MTMR12: variants seen among roughly 807,000 people sequenced by gnomAD.
The protein encoded by MTMR12 is myotubularin-related protein 12.
In MTMR12, 33 loss-of-function variants were observed where a neutral mutation model predicts 96.7. The ratio of observed to expected loss-of-function variants is 0.34; its 90% confidence interval spans 0.26 to 0.46. The LOEUF (loss-of-function observed/expected upper bound fraction) is 0.46, where lower values mean the gene tolerates loss of function less well. MTMR12 is among the 20% of genes least tolerant of loss of function. The pLI is 1.00. For missense variants in MTMR12, 721 were observed against 896.1 expected (o/e 0.80, Z 2.49); for synonymous variants, 298 against 327.2 (o/e 0.91, Z 0.96).
chr5:32,276,722 C>T lies in MTMR12; in HGVS notation c.102G>A (p.Lys34=). The T allele has an allele frequency of 6.2e-7, 1 of 1,613,822 alleles. No individual in the cohort carries two copies. Among genetic ancestry groups the T allele is most frequent in the Non-Finnish European group, 8.5e-7 (1 of 1,179,880 alleles). The change falls in exon 2 of 16, where the codon AAG becomes AAA. Residue 34 remains lysine, a synonymous_variant. Coordinates refer to ENST00000382142, the MANE Select transcript of MTMR12 (RefSeq NM_001040446.3). The part of the protein sequence containing the change: ...VRPEEIHTNE[K]EVTEKEVTLH... Reference sequence around the variant, plus strand: ...GAGTTACTTCCTTCTCTGTTACTTCCTTTTCGTTTGTGTGAATTTCCTAAA... The same window carrying T: ...GAGTTACTTCCTTCTCTGTTACTTCTTTTTCGTTTGTGTGAATTTCCTAAA...
intron 1 of MTMR12, chr5:32,296,243 C>T (rs1451313427): frequency 5.1e-5 from 8 of 155,644 alleles, no homozygotes; most frequent in South Asian, 1.8e-4. Context: ...TTTGGGAGGC[C>T]GAGGGTGGGA....
chr5:32,274,937 A>G (rs1386278105), intron 2 of MTMR12, among the ~76,000 whole-genome samples: 1 of 152,132 alleles, frequency 6.6e-6, no homozygotes, highest in Non-Finnish European at 1.5e-5. Flanking sequence ...TCACGGGGGC[A>G]GGCAAAAGAG....
chr5:32,312,134 G>C lies in MTMR12; in HGVS notation c.81+624C>G, dbSNP rs1751620650. Among the ~76,000 whole-genome samples, 1 of 152,208 alleles carries C rather than the reference G, an allele frequency of 6.6e-6. No individual in the cohort carries two copies. The highest frequency in any genetic ancestry group is 6.5e-5 in the Admixed American group (1 of 15,290). On this transcript the variant is annotated intron_variant, in intron 1 of 15. Transcript: ENST00000382142. This position sits in a 1 kb window ranked among gnomAD's most constrained non-coding sequence, Gnocchi z 5.0. Reference sequence around the variant, plus strand: ...TTGACCTGAAGATTCAGAAGAGTAAGAAGTGGGTGGAAAGGATGATGGTGA... The same window carrying C: ...TTGACCTGAAGATTCAGAAGAGTAACAAGTGGGTGGAAAGGATGATGGTGA...
At chr5:32,266,377 C>T (rs1490078736) in intron 6 of MTMR12, among the ~76,000 whole-genome samples, 1 of 152,116 alleles carries the variant, frequency 6.6e-6, no homozygotes, top group Non-Finnish European at 1.5e-5. Context: ...TATGACAAAG[C>T]CTTGTGTGCT....
Position 32,304,804 on chromosome 5 carries a change from A to G in MTMR12, c.81+7954T>C, listed in dbSNP as rs146061060. 3.3e-5 allele frequency among the ~76,000 whole-genome samples: 5 copies of G among 152,332 alleles called. No homozygotes were observed. In the East Asian group the frequency reaches 9.6e-4, roughly 29 times the overall value. On this transcript the variant is annotated intron_variant, in intron 1 of 15. Coordinates refer to ENST00000382142, the MANE Select transcript of MTMR12 (RefSeq NM_001040446.3). ...AGGAAGTGCTGCTTGACAGAGCCTC[A>G]TGATGCTTTCTGAGGCTCCATCTGC...
At chr5:32,257,091 G>A (rs1357094572) in intron 7 of MTMR12, among the ~76,000 whole-genome samples, 3 of 152,144 alleles carry the variant, frequency 2.0e-5, no homozygotes, top group Non-Finnish European at 4.4e-5. Flanking sequence ...ACTTTGGGGG[G>A]CCAAGGTGGG....
chr5:32,310,453 C>T (rs866847443), intron 1 of MTMR12, among the ~76,000 whole-genome samples: 12 of 152,248 alleles, frequency 7.9e-5, no homozygotes, highest in Admixed American at 2.0e-4. Flanking sequence ...TACATACACA[C>T]GAGTACTATT....
At chr5:32,281,711 C>G (rs1392096817) in intron 1 of MTMR12, among the ~76,000 whole-genome samples, 1 of 151,850 alleles carries the variant, frequency 6.6e-6, no homozygotes, top group East Asian at 1.9e-4. Flanking sequence ...ACCAGCCTGA[C>G]CAACGTGCTG....
In MTMR12 at chr5:32,233,473, A is replaced by AACAC. The variant is rs752327449; in HGVS notation, c.1674+296_1674+299dup. Among the ~76,000 whole-genome samples the AACAC allele has an allele frequency of 5.8e-4, 35 of 60,004 alleles. No individual in the cohort carries two copies. Among genetic ancestry groups the AACAC allele is most frequent in the South Asian group, 2.5e-3 (5 of 1,998 alleles). The allele number at this position is 60,004 out of a possible 152,430, so 39.4% of individuals were successfully genotyped here. A position where few individuals can be genotyped will look rare whatever the true frequency, so the allele number is the denominator to read the frequency against. On this transcript the variant is annotated intron_variant, in intron 15 of 15. Coordinates refer to ENST00000382142, the MANE Select transcript of MTMR12 (RefSeq NM_001040446.3). The surrounding 1 kb of genome is among the most constrained non-coding windows in gnomAD (Gnocchi z 5.0). ...CTCTACTAACACACACACACACACA[A>AACAC]ACACACACACACACACACACACACA...
At chr5:32,260,870 G>A (rs757423714) in intron 7 of MTMR12, among the ~76,000 whole-genome samples, 5 of 151,754 alleles carry the variant, frequency 3.3e-5, no homozygotes, top group Non-Finnish European at 5.9e-5. Flanking sequence ...TGTTAGCAGG[G>A]TGTTAGGGAG....
chr5:32,311,770 C>T (rs1012654835), intron 1 of MTMR12, among the ~76,000 whole-genome samples: 5 of 152,194 alleles, frequency 3.3e-5, no homozygotes, highest in Non-Finnish European at 5.9e-5. Context: ...CTCCGCCAAC[C>T]CTTCAGACAC....
intron 1 of MTMR12, among the ~76,000 whole-genome samples, chr5:32,287,655 T>C (rs1750589895): frequency 6.6e-6 from 1 of 152,160 alleles, no homozygotes; most frequent in South Asian, 2.1e-4. Flanking sequence ...ATTCTTTCAT[T>C]TGTCGTGGGG....
chr5:32,296,829 G>A (rs1020845452), intron 1 of MTMR12, among the ~76,000 whole-genome samples: 2 of 149,626 alleles, frequency 1.3e-5, no homozygotes, highest in Non-Finnish European at 3.0e-5. Flanking sequence ...GTGGCCGGGC[G>A]CGGTGGCTCA....
Position 32,312,385 on chromosome 5 carries a change from G to C in MTMR12, c.81+373C>G, listed in dbSNP as rs949823776. Among the ~76,000 whole-genome samples the C allele has an allele frequency of 6.6e-6, 1 of 152,214 alleles. No individual in the cohort carries two copies. Among genetic ancestry groups the C allele is most frequent in the African/African-American group, 2.4e-5 (1 of 41,468 alleles). The stretch of plus-strand genomic sequence containing the variant: ...TCCAGAGGCAGGACGGACCCACGCG[G>C]GCTCCGAGCAGGCCCCGTTGGGGGC... On this transcript the variant is annotated intron_variant, in intron 1 of 15. Transcript: ENST00000382142. The surrounding 1 kb of genome is among the most constrained non-coding windows in gnomAD (Gnocchi z 5.0).
At chr5:32,293,939 C>T (rs907265011) in intron 1 of MTMR12, among the ~76,000 whole-genome samples, 15 of 152,248 alleles carry the variant, frequency 9.9e-5, no homozygotes, top group Admixed American at 1.3e-4. Flanking sequence ...CTGGCCACAC[C>T]AGAAACCTGA....
At chr5:32,234,436 T>C (rs981311989) in intron 14 of MTMR12, among the ~76,000 whole-genome samples, 1 of 152,186 alleles carries the variant, frequency 6.6e-6, no homozygotes, top group African/African-American at 2.4e-5. Flanking sequence ...AGGGTTAAGA[T>C]GGAAGGAAAA....
intron 3 of MTMR12, 132 bp from the exon 4 acceptor site, chr5:32,272,037 A>G: frequency 2.1e-6 from 1 of 465,294 alleles, no homozygotes; most frequent in Admixed American, 4.4e-5. Flanking sequence ...CACACCTGTA[A>G]TCCCAGCACT....
chr5:32,233,845 T>A lies in MTMR12; in HGVS notation c.1602A>T (p.Thr534=). 6.2e-7 allele frequency: 1 copy of A among 1,614,188 alleles called. No individual in the cohort carries two copies. The highest frequency in any genetic ancestry group is 8.5e-7 in the Non-Finnish European group (1 of 1,180,028). The change falls in exon 15 of 16, where the codon ACA becomes ACT. Residue 534 remains threonine (T), a synonymous_variant. Coordinates refer to ENST00000382142, the MANE Select transcript of MTMR12 (RefSeq NM_001040446.3). This position sits in a 1 kb window ranked among gnomAD's most constrained non-coding sequence, Gnocchi z 5.0. ...WSVQFEPKAQ[T]LLKNPLYVEK... ...CCACATAAAGAGGGTTTTTGAGCAATGTCTGGGCTTTGGGTTCAAACTGCA... is the reference window on the plus strand; with the variant it reads ...CCACATAAAGAGGGTTTTTGAGCAAAGTCTGGGCTTTGGGTTCAAACTGCA...
intron 1 of MTMR12, among the ~76,000 whole-genome samples, chr5:32,285,186 C>T (rs1374373556): frequency 2.0e-5 from 3 of 151,876 alleles, no homozygotes; most frequent in Non-Finnish European, 2.9e-5. Flanking sequence ...GGTGAAACCC[C>T]GTCTCTACTA....
Sources: gnomAD v4.1 joint callset for allele counts (sites outside exome capture counted in the v4.1 genomes callset) on GRCh38, gnomAD v4.1.1 for gene constraint, Gnocchi (gnomAD v3.1) non-coding constraint, MANE v1.5 for transcripts, NCBI Gene and HGNC (gene_info 2026-07-23, HGNC 2026-07-21) for gene names.